SHC3: variants seen among roughly 807,000 people sequenced by gnomAD.
The protein encoded by SHC3 is SHC adaptor protein 3.
Under a neutral mutation model 60.4 loss-of-function variants are expected in SHC3, and 15 were observed. That is an observed-to-expected ratio of 0.25 (90% CI 0.17 to 0.38). SHC3 has a LOEUF of 0.38. Ranked by LOEUF, SHC3 falls within the 10% of genes least tolerant of loss-of-function variation. The pLI, the probability that SHC3 is intolerant of heterozygous loss-of-function variation, is 1.00. For missense variants in SHC3, 677 were observed against 786.1 expected (o/e 0.86, Z 1.66); for synonymous variants, 294 against 325.9 (o/e 0.90, Z 1.05).
intron 1 of SHC3, among the ~76,000 whole-genome samples, chr9:89,149,948 C>T (rs545595276): frequency 7.9e-5 from 12 of 152,316 alleles, no homozygotes; most frequent in African/African-American, 2.9e-4. Flanking sequence ...TACTACCCAT[C>T]CCTTAGTCAC....
chr9:89,133,252 C>T (rs971845054), intron 1 of SHC3, among the ~76,000 whole-genome samples: 1 of 152,112 alleles, frequency 6.6e-6, no homozygotes, highest in African/African-American at 2.4e-5. Flanking sequence ...ATTAAAAAGT[C>T]AGGAAACAAC....
intron 1 of SHC3, among the ~76,000 whole-genome samples, chr9:89,113,763 T>G (rs1181426496): frequency 6.6e-6 from 1 of 152,206 alleles, no homozygotes; most frequent in Non-Finnish European, 1.5e-5. Context: ...ATGGAATTAC[T>G]TGAATACCTC....
chr9:89,121,314 G>A (rs1396172806), intron 1 of SHC3, among the ~76,000 whole-genome samples: 7 of 151,732 alleles, frequency 4.6e-5, no homozygotes. Flanking sequence ...TCTTGAGATG[G>A]AGTTTCGCTC....
intron 6 of SHC3, among the ~76,000 whole-genome samples, chr9:89,053,500 C>A (rs1039408972): frequency 6.6e-6 from 1 of 152,194 alleles, no homozygotes; most frequent in African/African-American, 2.4e-5. Flanking sequence ...CGGAGGCAGC[C>A]AGCTAGGCCC....
In SHC3 at chr9:89,091,005, G is replaced by A. The variant is rs569057341; in HGVS notation, c.546-13102C>T. Among the ~76,000 whole-genome samples, 38 of 152,310 alleles carry A rather than the reference G, an allele frequency of 2.5e-4. No homozygotes were observed. In the East Asian group the frequency reaches 5.4e-3, roughly 22 times the overall value. On this transcript the variant is annotated intron_variant, in intron 2 of 11. Coordinates refer to ENST00000375835, the MANE Select transcript of SHC3 (RefSeq NM_016848.6). ...CCTGCGTGAAGAAAAGCATAGCATG[G>A]TATTGGGGGACATAAAGCAAGATCT...
At chr9:89,074,988 C>T in intron 4 of SHC3, 121 bp downstream of exon 4, 2 of 1,325,196 alleles carry the variant, frequency 1.5e-6, no homozygotes, top group East Asian at 2.5e-5. Flanking sequence ...AGTTCATACT[C>T]TAGTAAAAAT....
intron 6 of SHC3, among the ~76,000 whole-genome samples, chr9:89,054,066 C>A (rs1407484394): frequency 1.3e-5 from 2 of 152,128 alleles, no homozygotes; most frequent in African/African-American, 4.8e-5. Flanking sequence ...GGTATCCTAG[C>A]CTTTAAGATG....
intron 2 of SHC3, among the ~76,000 whole-genome samples, chr9:89,103,973 G>A (rs1396566700): frequency 6.6e-6 from 1 of 152,128 alleles, no homozygotes; most frequent in Non-Finnish European, 1.5e-5. Context: ...CAGAAAAGGA[G>A]CAATCAGAGA....
chr9:89,131,051 C>A (rs554528786), intron 1 of SHC3, among the ~76,000 whole-genome samples: 1 of 151,742 alleles, frequency 6.6e-6, no homozygotes, highest in Non-Finnish European at 1.5e-5. Context: ...ATCAAATAGA[C>A]GAAATAAAAA....
At chr9:89,037,409 C>G in intron 11 of SHC3, 1 of 658,990 alleles carries the variant, frequency 1.5e-6, no homozygotes. Flanking sequence ...TGGACTATGC[C>G]CCAGGTAAAG....
chr9:89,139,410 T>G (rs1182031590), intron 1 of SHC3, among the ~76,000 whole-genome samples: 1 of 152,244 alleles, frequency 6.6e-6, no homozygotes, highest in African/African-American at 2.4e-5. Context: ...ATTATTTGTA[T>G]AAAGTGCAGT....
chr9:89,046,183 T>C (rs778645058), intron 8 of SHC3, among the ~76,000 whole-genome samples: 1 of 145,864 alleles, frequency 6.9e-6, no homozygotes, highest in Non-Finnish European at 1.5e-5. Context: ...ACTTCCCACA[T>C]AACACATACG....
intron 9 of SHC3, among the ~76,000 whole-genome samples, chr9:89,043,362 C>T (rs768181855): frequency 6.6e-6 from 1 of 152,240 alleles, no homozygotes; most frequent in Non-Finnish European, 1.5e-5. Flanking sequence ...TCAGATTACG[C>T]ATCCTTGCTT....
intron 1 of SHC3, among the ~76,000 whole-genome samples, chr9:89,146,461 G>T (rs1054474284): frequency 5.3e-5 from 8 of 151,642 alleles, no homozygotes. Context: ...ATAAATCCAA[G>T]AAAAAGAAAT....
At chr9:89,033,543 C>A (rs1587685797) in intron 11 of SHC3, among the ~76,000 whole-genome samples, 1 of 152,172 alleles carries the variant, frequency 6.6e-6, no homozygotes, top group Admixed American at 6.5e-5. Context: ...CCCATCACCT[C>A]CACAGGCTCT....
At chr9:89,024,148 C>T (rs1826250154) in intron 11 of SHC3, among the ~76,000 whole-genome samples, 1 of 152,192 alleles carries the variant, frequency 6.6e-6, no homozygotes, top group African/African-American at 2.4e-5. Context: ...CAGAAACAAA[C>T]AGCCCCTCTC....
chr9:89,069,875 T>G (rs1825242174), intron 5 of SHC3, among the ~76,000 whole-genome samples: 1 of 152,236 alleles, frequency 6.6e-6, no homozygotes, highest in African/African-American at 2.4e-5. Flanking sequence ...CATTGCTCCT[T>G]CAATTTGGCT....
At position 89,118,628 on chromosome 9, in the gene SHC3, G is replaced by GA. The variant is rs1213185791; in HGVS notation, c.475-6003dup. ...CATTCTAAAAGTTTTCCAGGAGTAG[G>GA]AAAAAAAAAAAAGACAGGTTACTTA... On this transcript the variant is annotated intron_variant, in intron 1 of 11. Coordinates refer to ENST00000375835, the MANE Select transcript of SHC3 (RefSeq NM_016848.6). Among the ~76,000 whole-genome samples, 1,047 of 140,706 alleles carry GA rather than the reference G, an allele frequency of 7.4e-3. 2 individuals are homozygous for GA. The highest frequency in any genetic ancestry group is 0.017 in the South Asian group (73 of 4,410). 92.3% of individuals were successfully genotyped at this position (140,706 alleles called of 152,430 possible). A position where few individuals can be genotyped will look rare whatever the true frequency, so the allele number is the denominator to read the frequency against.
chr9:89,031,782 A>G (rs1026779277), intron 11 of SHC3, among the ~76,000 whole-genome samples: 1 of 152,150 alleles, frequency 6.6e-6, no homozygotes, highest in African/African-American at 2.4e-5. Flanking sequence ...AAAGCCTTCT[A>G]TCTCCTTTGT....
Sources: allele counts gnomAD v4.1 joint callset (sites outside exome capture counted in the v4.1 genomes callset), GRCh38; gene constraint gnomAD v4.1.1; transcripts MANE v1.5; gene names NCBI Gene and HGNC (gene_info 2026-07-23, HGNC 2026-07-21).